APLF: variants seen among roughly 807,000 people sequenced by gnomAD.
The protein encoded by APLF is aprataxin and PNKP like factor.
A neutral mutation model predicts 55.6 loss-of-function variants in APLF; 61 were observed. The ratio of observed to expected loss-of-function variants is 1.10; its 90% CI spans 0.89 to 1.36. APLF has a LOEUF of 1.36. APLF is among the 40% of genes most tolerant of loss of function. APLF has a pLI of 0.00. For missense variants in APLF, 611 were observed against 602.5 expected (o/e 1.01, Z -0.15); for synonymous variants, 207 against 214.8 (o/e 0.96, Z 0.32).
chr2:68,482,499 C>A lies in APLF; in HGVS notation c.97-7691C>A, dbSNP rs148195484. Among the ~76,000 whole-genome samples, 322 of 152,260 alleles carry A rather than the reference C, an allele frequency of 2.1e-3. 1 individual carries two copies. The highest frequency in any genetic ancestry group is 7.2e-3 in the African/African-American group (301 of 41,546). On this transcript the variant is annotated intron_variant, in intron 1 of 9. Transcript: ENST00000303795. ...TATGCATGTACACATAGTGAGTCAG[C>A]TGGCTTGGAGACAGGGTCACTGAGG...
At chr2:68,555,497 A>G (rs186077799) in intron 8 of APLF, among the ~76,000 whole-genome samples, 352 of 152,286 alleles carry the variant, frequency 2.3e-3, no homozygotes, top group African/African-American at 8.0e-3. Context: ...AAAGTAGGCT[A>G]AGGACATGAA....
At chr2:68,509,206 C>A (rs1248013683) in intron 3 of APLF, among the ~76,000 whole-genome samples, 2 of 151,966 alleles carry the variant, frequency 1.3e-5, no homozygotes, top group Non-Finnish European at 2.9e-5. Flanking sequence ...GTAACAAAAG[C>A]CAAAATTGAC....
intron 8 of APLF, among the ~76,000 whole-genome samples, chr2:68,564,647 T>C (rs1042883509): frequency 6.6e-6 from 1 of 152,104 alleles, no homozygotes; most frequent in Non-Finnish European, 1.5e-5. Context: ...TGGGTTCTGT[T>C]GTTATCTCCC....
chr2:68,474,830 G>A (rs932239253), intron 1 of APLF, among the ~76,000 whole-genome samples: 10 of 152,054 alleles, frequency 6.6e-5, no homozygotes, highest in Non-Finnish European at 1.2e-4. Flanking sequence ...CACCACAACC[G>A]GCTGATTTTG....
At chr2:68,489,926 C>G (rs1676302386) in intron 1 of APLF, among the ~76,000 whole-genome samples, 1 of 152,154 alleles carries the variant, frequency 6.6e-6, no homozygotes, top group South Asian at 2.1e-4. Flanking sequence ...TGAATGGAAA[C>G]TATCATGCAA....
At chr2:68,569,379 T>C (rs1192008631) in intron 9 of APLF, among the ~76,000 whole-genome samples, 2 of 152,138 alleles carry the variant, frequency 1.3e-5, no homozygotes, top group South Asian at 4.1e-4. Context: ...CACCTTTGTT[T>C]CTTTGCTGTG....
At chr2:68,518,607 TC>T (rs747967269) in intron 5 of APLF, among the ~76,000 whole-genome samples, 2,376 of 83,844 alleles carry the variant, frequency 0.028, 33 homozygotes, top group Middle Eastern at 0.08. Context: ...ATATAATATA[TC>T]ATTAATATAT....
At chr2:68,514,170 C>A (rs1669500812) in intron 5 of APLF, among the ~76,000 whole-genome samples, 1 of 151,652 alleles carries the variant, frequency 6.6e-6, no homozygotes, top group Admixed American at 6.6e-5. Context: ...GTTTATGTTT[C>A]TCCGATGAGA....
chr2:68,538,088 C>G lies in APLF; in HGVS notation c.1021C>G (p.Gln341Glu), dbSNP rs766756097. ...AQGDSLQDESQGSHSESSSNP... is the reference protein window; with the variant it reads ...AQGDSLQDESEGSHSESSSNP... ...GGGCGACTCACTTCAGGATGAGTCT[C>G]AAGGGTCTCATTCTGAGTCCAGCTC... The change falls in exon 7 of 10, where the codon CAA (glutamine) becomes GAA (glutamate). Residue 341 changes from glutamine to glutamate, a missense_variant. Transcript: ENST00000303795. 6.2e-7 allele frequency: 1 copy of G among 1,614,034 alleles called. No homozygotes were observed. Among genetic ancestry groups the G allele is most frequent in the East Asian group, 2.2e-5 (1 of 44,874 alleles).
chr2:68,541,198 A>AC (rs1363402370), intron 7 of APLF, among the ~76,000 whole-genome samples: 1 of 152,222 alleles, frequency 6.6e-6, no homozygotes, highest in African/African-American at 2.4e-5. Flanking sequence ...GCAGAGGATA[A>AC]CATAGAATAT....
chr2:68,512,499 T>C (rs1345716615), intron 3 of APLF, among the ~76,000 whole-genome samples: 1 of 151,804 alleles, frequency 6.6e-6, no homozygotes, highest in Non-Finnish European at 1.5e-5. Flanking sequence ...TGGATGACCT[T>C]ACTGCATATT....
At chr2:68,467,879 C>G (rs1417473485) in intron 1 of APLF, 52 bp downstream of exon 1, 5 of 1,213,710 alleles carry the variant, frequency 4.1e-6, no homozygotes, top group Non-Finnish European at 5.1e-6. Context: ...AGTTCCGCGC[C>G]GGCTCCTGAA....
At chr2:68,492,836 C>T (rs1178670669) in intron 2 of APLF, among the ~76,000 whole-genome samples, 1 of 151,984 alleles carries the variant, frequency 6.6e-6, no homozygotes, top group Non-Finnish European at 1.5e-5. Context: ...TAAGTTATAC[C>T]TCTGTTTATG....
chr2:68,520,198 G>A (rs1669854826), intron 5 of APLF, among the ~76,000 whole-genome samples: 1 of 151,572 alleles, frequency 6.6e-6, no homozygotes, highest in African/African-American at 2.4e-5. Flanking sequence ...GTTTTTTCTT[G>A]TAGATTCTGG....
In APLF at chr2:68,537,881, C is replaced by A; in HGVS notation, c.814C>A (p.Gln272Lys). ...CATATTTGTTTTACAGGAAATGCCA[C>A]AATCATTTTCTGCAATCACATTAAG... ...ESTISSKEMPQSFSAITLSNT... is the reference protein window; with the variant it reads ...ESTISSKEMPKSFSAITLSNT... Residue 272 changes from glutamine to lysine, a missense_variant, in exon 7 of 10, where the codon CAA (glutamine) becomes AAA (lysine). By Grantham distance (53) the Gln-to-Lys change is moderately conservative (BLOSUM62 1). Coordinates refer to ENST00000303795, the MANE Select transcript of APLF (RefSeq NM_173545.3). 2 of 1,560,554 alleles carry A rather than the reference C, an allele frequency of 1.3e-6. No homozygotes were observed. Among genetic ancestry groups the A allele is most frequent in the East Asian group, 2.3e-5 (1 of 44,376 alleles).
chr2:68,503,297 C>G (rs1676778374), intron 3 of APLF, among the ~76,000 whole-genome samples: 1 of 152,048 alleles, frequency 6.6e-6, no homozygotes, highest in Admixed American at 6.6e-5. Context: ...TTACACTTGT[C>G]TAACTCCTCT....
intron 1 of APLF, among the ~76,000 whole-genome samples, chr2:68,471,870 C>T (rs1675627634): frequency 6.6e-6 from 1 of 152,244 alleles, no homozygotes; most frequent in East Asian, 1.9e-4. Context: ...GCCCGTGACA[C>T]AGCCCTCAGG....
In APLF at chr2:68,567,220, A is replaced by G; in HGVS notation, c.1287-121A>G. ...GTAATTAAACAACAAATGCTTTTTC[A>G]TAAGAGGCCTATTGGGTCCTAAGTT... On this transcript the variant is annotated intron_variant, in intron 8 of 9. Transcript: ENST00000303795. 6.8e-6 allele frequency: 5 copies of G among 737,994 alleles called. 1 individual carries two copies. The highest frequency in any genetic ancestry group is 5.4e-5 in the South Asian group (3 of 55,656). The allele number at this position is 737,994 out of a possible 1,614,324, so 45.7% of individuals were successfully genotyped here. A position where few individuals can be genotyped will look rare whatever the true frequency, so the allele number is the denominator to read the frequency against.
chr2:68,494,923 C>T (rs1464444929), intron 2 of APLF, among the ~76,000 whole-genome samples: 2 of 152,006 alleles, frequency 1.3e-5, no homozygotes, highest in Non-Finnish European at 2.9e-5. Flanking sequence ...TTTAGGTTGA[C>T]TCCATGTCTT....
Sources: gnomAD v4.1 joint callset for allele counts (sites outside exome capture counted in the v4.1 genomes callset) on GRCh38, gnomAD v4.1.1 for gene constraint, MANE v1.5 for transcripts, NCBI Gene and HGNC (gene_info 2026-07-23, HGNC 2026-07-21) for gene names.